UBR1: variants seen among roughly 807,000 people sequenced by gnomAD.
UBR1 encodes the protein ubiquitin protein ligase E3 component n-recognin 1, also known as E3 ubiquitin-protein ligase UBR1.
A neutral mutation model predicts 242.1 loss-of-function variants in UBR1; 102 were observed. That is an observed-to-expected ratio of 0.42 (90% confidence interval 0.36 to 0.50). The LOEUF (loss-of-function observed/expected upper bound fraction) is 0.50. Ranked by LOEUF, UBR1 falls within the 20% of genes least tolerant of loss-of-function variation. The pLI, the probability that UBR1 is intolerant of heterozygous loss-of-function variation, is 0.01. For synonymous variants in UBR1, 675 were observed against 684.8 expected, an observed-to-expected ratio of 0.99 and a Z score of 0.22; for missense variants, 1,772 against 2,101.8, an observed-to-expected ratio of 0.84 and a Z score of 3.07.
intron 1 of UBR1, among the ~76,000 whole-genome samples, chr15:43,101,875 G>A (rs1383841525): frequency 1.3e-5 from 2 of 150,364 alleles, no homozygotes; most frequent in South Asian, 2.1e-4. Context: ...GGTTGAGGCA[G>A]GAGAATCGCT....
intron 39 of UBR1, among the ~76,000 whole-genome samples, chr15:42,974,498 G>C (rs1000631975): frequency 6.6e-6 from 1 of 152,172 alleles, no homozygotes; most frequent in Non-Finnish European, 1.5e-5. Flanking sequence ...AGGTTGGGTA[G>C]TGTCAACCCT....
At chr15:43,017,062 C>T (rs772065137) in intron 28 of UBR1, 33 bp downstream of exon 28, 18 of 1,540,016 alleles carry the variant, frequency 1.2e-5, no homozygotes, top group Non-Finnish European at 1.5e-5. Context: ...AGATGAATGT[C>T]ACCATTACTA....
intron 11 of UBR1, 70 bp downstream of exon 11, chr15:43,056,274 T>C: frequency 1.7e-6 from 2 of 1,165,170 alleles, no homozygotes; most frequent in Non-Finnish European, 2.6e-6. Context: ...TGATTCAACA[T>C]TAAGTGGAAT....
intron 30 of UBR1, among the ~76,000 whole-genome samples, chr15:43,005,027 G>A (rs969310495): frequency 9.3e-5 from 14 of 150,734 alleles, no homozygotes; most frequent in African/African-American, 2.5e-4. Context: ...CTGCCCAGCC[G>A]CGACCCCGTC....
At chr15:43,079,912 A>C (rs747058926) in intron 3 of UBR1, among the ~76,000 whole-genome samples, 2 of 152,266 alleles carry the variant, frequency 1.3e-5, no homozygotes, top group African/African-American at 4.8e-5. Flanking sequence ...ATAGCAGAGT[A>C]GTATTTTTAA....
intron 12 of UBR1, among the ~76,000 whole-genome samples, chr15:43,053,547 T>C (rs2033581108): frequency 6.6e-6 from 1 of 152,222 alleles, no homozygotes; most frequent in African/African-American, 2.4e-5. Flanking sequence ...TGAATTTACC[T>C]ACCATCTCCA....
Position 43,013,162 on chromosome 15 carries a change from C to G in UBR1, c.3209+2526G>C, listed in dbSNP as rs377221595. Among the ~76,000 whole-genome samples the G allele has an allele frequency of 1.8e-3, 277 of 152,318 alleles. 2 individuals are homozygous for G. The highest frequency in any genetic ancestry group is 6.3e-3 in the African/African-American group (263 of 41,582). On this transcript the variant is annotated intron_variant, in intron 29 of 46. Coordinates refer to ENST00000290650, the MANE Select transcript of UBR1 (RefSeq NM_174916.3). Reference sequence around the variant, plus strand: ...TCAGATGATCCACCTGCCTCGGCCTCCCAAAGTGCTGGGATTACAGAGGTT... The same window carrying G: ...TCAGATGATCCACCTGCCTCGGCCTGCCAAAGTGCTGGGATTACAGAGGTT...
At chr15:43,005,324 G>A (rs1398237950) in intron 30 of UBR1, among the ~76,000 whole-genome samples, 33 of 37,474 alleles carry the variant, frequency 8.8e-4, no homozygotes, top group Admixed American at 2.9e-3. Context: ...CGCCCCATCC[G>A]GGAGGTGGGG....
At chr15:43,065,208 A>C (rs12050604) in intron 6 of UBR1, among the ~76,000 whole-genome samples, 82,306 of 152,046 alleles carry the variant, frequency 0.54, 27,071 homozygotes, top group Non-Finnish European at 0.71. Context: ...TGAAGGACTA[A>C]AAAATGTTCG....
At position 43,061,999 on chromosome 15, in the gene UBR1, T is replaced by C. The variant is rs373615198; in HGVS notation, c.799-1885A>G. Among the ~76,000 whole-genome samples the C allele has an allele frequency of 8.6e-5, 13 of 151,864 alleles. No individual in the cohort carries two copies. The East Asian group carries it at 1.9e-3, about 23-fold the overall frequency. ...TAAAAAAAAAAATAATAATAACAAG[T>C]AATGACAAGGATGTGGAGAAACCCT... On this transcript the variant is annotated intron_variant, in intron 6 of 46. Coordinates refer to ENST00000290650, the MANE Select transcript of UBR1 (RefSeq NM_174916.3).
chr15:43,085,369 T>C (rs1046129368), intron 2 of UBR1, among the ~76,000 whole-genome samples: 7 of 152,216 alleles, frequency 4.6e-5, no homozygotes, highest in African/African-American at 1.7e-4. Flanking sequence ...GTACTGGATA[T>C]ATTATGAACA....
intron 29 of UBR1, among the ~76,000 whole-genome samples, chr15:43,010,325 TG>T (rs1275604086): frequency 6.7e-6 from 1 of 149,326 alleles, no homozygotes; most frequent in Non-Finnish European, 1.5e-5. Context: ...CAGTACTACA[TG>T]AAAAAAAAAA....
At chr15:43,020,540 C>A (rs1047066013) in intron 27 of UBR1, among the ~76,000 whole-genome samples, 1 of 152,210 alleles carries the variant, frequency 6.6e-6, no homozygotes, top group African/African-American at 2.4e-5. Flanking sequence ...GCCTATCCCC[C>A]ATAATCCATT....
intron 15 of UBR1, among the ~76,000 whole-genome samples, chr15:43,039,843 G>T (rs1191872332): frequency 6.6e-6 from 1 of 152,072 alleles, no homozygotes; most frequent in Non-Finnish European, 1.5e-5. Flanking sequence ...ATTATTTTGA[G>T]ATATGTCCCA....
At chr15:42,994,165 G>A (rs1243892282) in intron 33 of UBR1, among the ~76,000 whole-genome samples, 3 of 152,086 alleles carry the variant, frequency 2.0e-5, no homozygotes, top group African/African-American at 7.2e-5. Flanking sequence ...ATTGTATTGT[G>A]GATAGTATAA....
chr15:42,988,269 A>ATGTG (rs112501912), intron 35 of UBR1, among the ~76,000 whole-genome samples: 1,959 of 147,844 alleles, frequency 0.013, 16 homozygotes, highest in South Asian at 0.026. Context: ...AAAGGAATAT[A>ATGTG]TGTGTGTGTG....
At chr15:43,032,679 T>C in intron 19 of UBR1, 48 bp from the exon 20 acceptor site, 1 of 1,157,096 alleles carries the variant, frequency 8.6e-7, no homozygotes, top group Non-Finnish European at 1.3e-6. Flanking sequence ...ACCAAAAACC[T>C]CCATAAAACA....
chr15:43,017,491 T>C lies in UBR1; in HGVS notation c.2941-310A>G, dbSNP rs527285024. ...TTTTTAATTTGAAATAATATTTTTG[T>C]GCAAAAACACATAAAAACAAAGACA... On this transcript the variant is annotated intron_variant, in intron 27 of 46. Coordinates refer to ENST00000290650, the MANE Select transcript of UBR1 (RefSeq NM_174916.3). Among the ~76,000 whole-genome samples the C allele has an allele frequency of 4.3e-4, 66 of 152,254 alleles. 1 individual carries two copies. In the South Asian group the frequency reaches 0.013, roughly 31 times the overall value.
chr15:43,023,993 A>C (rs1265887380), intron 25 of UBR1, among the ~76,000 whole-genome samples: 1 of 152,252 alleles, frequency 6.6e-6, no homozygotes, highest in Non-Finnish European at 1.5e-5. Context: ...CATTATATCC[A>C]TACAATGGAC....
Sources: gnomAD v4.1 joint callset for allele counts (sites outside exome capture counted in the v4.1 genomes callset) on GRCh38, gnomAD v4.1.1 for gene constraint, MANE v1.5 for transcripts, NCBI Gene and HGNC (gene_info 2026-07-23, HGNC 2026-07-21) for gene names.